The following NEDD9 variants were observed in gnomAD, a reference collection of about 807,000 sequenced individuals.
NEDD9 encodes neural precursor cell expressed, developmentally down-regulated 9.
A neutral mutation model predicts 76.6 loss-of-function variants in NEDD9; 26 were observed. The observed-to-expected ratio is 0.34, with a 90% confidence interval of 0.25 to 0.47. The LOEUF is 0.47. Ranked by LOEUF, NEDD9 falls within the 20% of genes least tolerant of loss-of-function variation. The pLI, the probability that NEDD9 is intolerant of heterozygous loss-of-function variation, is 1.00. For missense variants in NEDD9, 937 were observed against 1,058.5 expected (o/e 0.89, Z 1.59); for synonymous variants, 392 against 414.2 (o/e 0.95, Z 0.65).
rs753570538 is a variant in NEDD9 at position 11,185,149 on chromosome 6, C to CT, written c.*12dup. ...TAACCGTTAACGCAGTCCCCTTCCT[C>CT]TTTTTTTTCTTCTCAGAACGTTGCC... On this transcript the variant is annotated 3_prime_UTR_variant, in exon 7 of 7. Coordinates refer to ENST00000379446, the MANE Select transcript of NEDD9 (RefSeq NM_006403.4). The CT allele has an allele frequency of 3.7e-6, 6 of 1,600,164 alleles. No individual in the cohort carries two copies. The highest frequency in any genetic ancestry group is 3.4e-5 in the Admixed American group (2 of 58,918).
At chr6:11,311,633 G>T (rs1761369931) in intron 2 of NEDD9, among the ~76,000 whole-genome samples, 1 of 152,188 alleles carries the variant, frequency 6.6e-6, no homozygotes, top group South Asian at 2.1e-4. Context: ...AGATGTTTGT[G>T]AATATTAAAT....
Position 11,190,600 on chromosome 6 carries a change from A to G in NEDD9, c.1269T>C (p.Gly423=), listed in dbSNP as rs766530170. The change falls in exon 5 of 7, where the codon GGT becomes GGC. Residue 423 remains glycine (G), a synonymous_variant. Transcript: ENST00000379446. This position sits in a 1 kb window ranked among gnomAD's most constrained non-coding sequence, Gnocchi z 5.8. The part of the protein sequence containing the change: ...LQRLQQALEM[G]VSSLMALVTT... ...TGACCAGTGCCATTAGGCTGGAGACACCCATCTCAAGGGCCTGCTGGAGCC... is the reference window on the plus strand; with the variant it reads ...TGACCAGTGCCATTAGGCTGGAGACGCCCATCTCAAGGGCCTGCTGGAGCC... 1 of 1,614,044 alleles carries G rather than the reference A, an allele frequency of 6.2e-7. No homozygotes were observed. Among genetic ancestry groups the G allele is most frequent in the Non-Finnish European group, 8.5e-7 (1 of 1,179,988 alleles).
At chr6:11,371,391 C>T (rs1762872112) in intron 1 of NEDD9, among the ~76,000 whole-genome samples, 1 of 152,164 alleles carries the variant, frequency 6.6e-6, no homozygotes, top group Non-Finnish European at 1.5e-5. Flanking sequence ...ACGCAGAGGA[C>T]TTTCACTGCC....
Position 11,190,961 on chromosome 6 carries a change from G to C in NEDD9, c.908C>G (p.Pro303Arg). 1 of 1,614,088 alleles carries C rather than the reference G, an allele frequency of 6.2e-7. No homozygotes were observed. Among genetic ancestry groups the C allele is most frequent in the Non-Finnish European group, 8.5e-7 (1 of 1,180,032 alleles). ...RHQSLSPNHPPPQLGQSVGSQ... is the reference protein window; with the variant it reads ...RHQSLSPNHPRPQLGQSVGSQ... ...GCCCACTGACTGTCCGAGTTGCGGG[G>C]GTGGGTGATTCGGGGACAGGCTCTG... is the stretch of plus-strand genomic sequence containing the variant. The change falls in exon 5 of 7, where the codon CCC becomes CGC. Residue 303 changes from proline (P) to arginine (R), a missense_variant. Pro to Arg is a moderately radical substitution (Grantham distance 103, BLOSUM62 -2). Transcript: ENST00000379446. This position sits in a 1 kb window ranked among gnomAD's most constrained non-coding sequence, Gnocchi z 5.8.
rs6910704 is a variant in NEDD9 at position 11,360,488 on chromosome 6, G to A, written c.-214+21651C>T. 2.9e-3 allele frequency among the ~76,000 whole-genome samples: 446 copies of A among 152,264 alleles called. 2 individuals are homozygous for A. The highest frequency in any genetic ancestry group is 0.01 in the African/African-American group (422 of 41,548). ...CCAATGTTGCAGGTGGGGCCTGGTG[G>A]GAGGTGATTGTATCATGGGGGCAGA... is the stretch of plus-strand genomic sequence containing the variant. On this transcript the variant is annotated intron_variant, in intron 1 of 3. Coordinates refer to the NEDD9 transcript ENST00000397378.
At chr6:11,374,284 C>T (rs1243766277) in intron 1 of NEDD9, among the ~76,000 whole-genome samples, 3 of 152,100 alleles carry the variant, frequency 2.0e-5, no homozygotes, top group East Asian at 1.9e-4. Flanking sequence ...TTCTCCACTC[C>T]GGTGGAGTGA....
chr6:11,226,681 A>G (rs892167468), intron 1 of NEDD9, among the ~76,000 whole-genome samples: 4 of 152,288 alleles, frequency 2.6e-5, no homozygotes, highest in Non-Finnish European at 5.9e-5. Flanking sequence ...TATTTCTGTT[A>G]TGGGTAAACA....
At chr6:11,186,085 G>A (rs897029152) in intron 6 of NEDD9, among the ~76,000 whole-genome samples, 1 of 152,098 alleles carries the variant, frequency 6.6e-6, no homozygotes, top group Middle Eastern at 3.2e-3. Context: ...TGACCTCCTT[G>A]TCAAGTAAGT....
At chr6:11,221,699 A>C (rs1332224753) in intron 1 of NEDD9, among the ~76,000 whole-genome samples, 1 of 152,126 alleles carries the variant, frequency 6.6e-6, no homozygotes, top group African/African-American at 2.4e-5. Context: ...GGAATCTCGA[A>C]GCATTTGTCC....
intron 3 of NEDD9, among the ~76,000 whole-genome samples, chr6:11,275,385 AAG>A (rs1226192815): frequency 6.6e-6 from 1 of 152,216 alleles, no homozygotes; most frequent in African/African-American, 2.4e-5. Flanking sequence ...GAAAATTGCT[AAG>A]AGAGTGGATT....
At position 11,213,075 on chromosome 6, in the gene NEDD9, T is replaced by A. The variant is rs2113758799; in HGVS notation, c.459+206A>T. 6.6e-6 allele frequency among the ~76,000 whole-genome samples: 1 copy of A among 152,338 alleles called. No homozygotes were observed. The highest frequency in any genetic ancestry group is 2.1e-4 in the South Asian group (1 of 4,828). ...ACTTAGGAGGGCTGGAAATCAACTGTACTCAGCACATGGTAGTTCAAAGAA... is the reference window on the plus strand; with the variant it reads ...ACTTAGGAGGGCTGGAAATCAACTGAACTCAGCACATGGTAGTTCAAAGAA... On this transcript the variant is annotated intron_variant, in intron 2 of 6. Coordinates refer to ENST00000379446, the MANE Select transcript of NEDD9 (RefSeq NM_006403.4). The surrounding 1 kb of genome is among the most constrained non-coding windows in gnomAD (Gnocchi z 5.4).
chr6:11,351,053 T>C (rs1365259400), intron 1 of NEDD9, among the ~76,000 whole-genome samples: 1 of 152,178 alleles, frequency 6.6e-6, no homozygotes, highest in Admixed American at 6.5e-5. Context: ...GAGTTGCCAT[T>C]TTCTTTTGAG....
At chr6:11,375,927 C>T (rs1468793193) in intron 1 of NEDD9, among the ~76,000 whole-genome samples, 1 of 152,180 alleles carries the variant, frequency 6.6e-6, no homozygotes, top group African/African-American at 2.4e-5. Flanking sequence ...CGGGTTCATG[C>T]CATTCTCCTG....
chr6:11,329,319 C>T (rs1413821380), intron 2 of NEDD9, among the ~76,000 whole-genome samples: 1 of 152,190 alleles, frequency 6.6e-6, no homozygotes, highest in Non-Finnish European at 1.5e-5. Flanking sequence ...GAACTGGGAG[C>T]TTAGCACACT....
Position 11,183,678 on chromosome 6 carries a change from T to C in NEDD9, c.*1484A>G, listed in dbSNP as rs567952801. The C allele has an allele frequency of 6.6e-6, 1 of 152,340 alleles. No individual in the cohort carries two copies. The highest frequency in any genetic ancestry group is 2.4e-5 in the African/African-American group (1 of 41,572). The allele number at this position is 152,340 out of a possible 1,614,324, so 9.4% of individuals were successfully genotyped here. A position where few individuals can be genotyped will look rare whatever the true frequency, so the allele number is the denominator to read the frequency against. ...TTTTAATCACTCTGAGATCATGCATTCTTGTTTTTTAAATCCTTTTCTGTT... is the reference window on the plus strand; with the variant it reads ...TTTTAATCACTCTGAGATCATGCATCCTTGTTTTTTAAATCCTTTTCTGTT... On this transcript the variant is annotated 3_prime_UTR_variant, in exon 7 of 7. Coordinates refer to ENST00000379446, the MANE Select transcript of NEDD9 (RefSeq NM_006403.4).
chr6:11,267,353 T>A (rs891207924), intron 3 of NEDD9, among the ~76,000 whole-genome samples: 11 of 151,402 alleles, frequency 7.3e-5, no homozygotes, highest in African/African-American at 2.2e-4. Flanking sequence ...GAATTCTTGG[T>A]CTGAAGCTTT....
chr6:11,237,620 G>A (rs1201492730), upstream of NEDD9, among the ~76,000 whole-genome samples: 1 of 152,148 alleles, frequency 6.6e-6, no homozygotes, highest in East Asian at 1.9e-4. This position sits in a 1 kb window ranked among gnomAD's most constrained non-coding sequence, Gnocchi z 4.9. Flanking sequence ...AAATTTCGAT[G>A]TCTATAAATA....
chr6:11,192,226 G>T, intron 4 of NEDD9, 119 bp downstream of exon 4: 2 of 592,062 alleles, frequency 3.4e-6, no homozygotes, highest in Non-Finnish European at 5.7e-6. Context: ...TTCCCCTTTT[G>T]GGTTTGCCTT....
intron 3 of NEDD9, among the ~76,000 whole-genome samples, chr6:11,253,243 G>T (rs1759944310): frequency 6.6e-6 from 1 of 152,172 alleles, no homozygotes; most frequent in Admixed American, 6.5e-5. Context: ...AAAAGAGAAA[G>T]TATCACTTTG....
Sources: allele counts gnomAD v4.1 joint callset (sites outside exome capture counted in the v4.1 genomes callset), GRCh38; gene constraint gnomAD v4.1.1; non-coding constraint Gnocchi (gnomAD v3.1); transcripts MANE v1.5; gene names NCBI Gene and HGNC (gene_info 2026-07-23, HGNC 2026-07-21).